Variants in ASIC2 observed in about 807,000 individuals in gnomAD.
ASIC2 encodes acid-sensing ion channel 2.
In ASIC2, 25 loss-of-function variants were observed where a neutral mutation model predicts 57.3. The observed-to-expected ratio is 0.44, with a 90% CI of 0.32 to 0.61. The LOEUF is 0.61. ASIC2 is among the 20% of genes least tolerant of loss of function. The pLI, the probability that ASIC2 is intolerant of heterozygous loss-of-function variation, is 0.06. For missense variants in ASIC2, 641 were observed against 738.1 expected (o/e 0.87, Z 1.52); for synonymous variants, 319 against 307.5 (o/e 1.04, Z -0.39).
chr17:33,432,332 A>G (rs1408071837), intron 1 of ASIC2, among the ~76,000 whole-genome samples: 3 of 152,216 alleles, frequency 2.0e-5, no homozygotes. Flanking sequence ...CCTTGGGAAC[A>G]TAATGAGACC....
At chr17:33,337,656 C>A (rs1907567071) in intron 1 of ASIC2, among the ~76,000 whole-genome samples, 1 of 152,166 alleles carries the variant, frequency 6.6e-6, no homozygotes, top group Non-Finnish European at 1.5e-5. Context: ...TGGAGATGTT[C>A]TGGAGGGGCA....
At chr17:33,097,987 ACT>A (rs2092190547) in intron 2 of ASIC2, among the ~76,000 whole-genome samples, 1 of 152,090 alleles carries the variant, frequency 6.6e-6, no homozygotes. Context: ...CCTGCTTTTG[ACT>A]CTTAGTCCCA....
At chr17:33,028,115 T>C (rs531796028) in intron 4 of ASIC2, 127 bp downstream of exon 4, 2 of 1,316,652 alleles carry the variant, frequency 1.5e-6, no homozygotes, top group Admixed American at 2.6e-5. Context: ...AATAACAGAG[T>C]CTTCCCAGAA....
intron 1 of ASIC2, among the ~76,000 whole-genome samples, chr17:33,287,138 AC>A: frequency 6.6e-6 from 1 of 152,332 alleles, no homozygotes; most frequent in African/African-American, 2.4e-5. Flanking sequence ...TTGAGCACCT[AC>A]TGCTGTCCAG....
rs748230708 is a variant in ASIC2, at chr17:33,825,637, CT to C, written c.555+330340del. 4.1e-3 allele frequency among the ~76,000 whole-genome samples: 618 copies of C among 152,326 alleles called. 5 individuals carry two copies. Among genetic ancestry groups the C allele is most frequent in the Middle Eastern group, 0.01 (3 of 294 alleles). ...TGGCAGTTCACCACCATTACCCTCA[CT>C]CAACATCAGTTTTATAATCTCATAA... On this transcript the variant is annotated intron_variant, in intron 1 of 9. Coordinates refer to the ASIC2 transcript ENST00000359872.
intron 1 of ASIC2, among the ~76,000 whole-genome samples, chr17:33,176,178 A>T (rs949287722): frequency 1.3e-5 from 2 of 152,126 alleles, no homozygotes; most frequent in South Asian, 4.2e-4. Flanking sequence ...CTGGGCAGAC[A>T]GCATCCTGTG....
At chr17:33,739,920 AAAAG>A (rs1910049561) in intron 1 of ASIC2, among the ~76,000 whole-genome samples, 1 of 151,046 alleles carries the variant, frequency 6.6e-6, no homozygotes, top group Non-Finnish European at 1.5e-5. Flanking sequence ...AAGAAAAGAA[AAAAG>A]AAAGAAAAAA....
intron 1 of ASIC2, among the ~76,000 whole-genome samples, chr17:33,464,473 TTCTTTTCTCTCTTTC>T (rs1912749432): frequency 2.3e-5 from 2 of 86,612 alleles, no homozygotes; most frequent in African/African-American, 1.2e-4. Flanking sequence ...CTTTCTTTCT[TTCTTTTCTCTCTTTC>T]TTTCTTTCTT....
intron 1 of ASIC2, among the ~76,000 whole-genome samples, chr17:33,323,269 T>C (rs1327263554): frequency 6.6e-6 from 1 of 152,214 alleles, no homozygotes; most frequent in Non-Finnish European, 1.5e-5. Flanking sequence ...AGCCACAGAC[T>C]GGAAAGTGCT....
rs575025377 is a variant in ASIC2, at chr17:33,086,546, C to T, written c.987+2317G>A. 6.6e-5 allele frequency among the ~76,000 whole-genome samples: 10 copies of T among 152,216 alleles called. No homozygotes were observed. The East Asian group carries it at 7.7e-4, about 12-fold the overall frequency. ...TCATACAACAGAAGGGAGTGCTGAC[C>T]GATTTTCTCTCCTTGACCAGACTCT... On this transcript the variant is annotated intron_variant, in intron 3 of 9. Coordinates refer to ENST00000225823, the MANE Select transcript of ASIC2 (RefSeq NM_183377.2).
At position 33,263,715 on chromosome 17, in the gene ASIC2, C is replaced by T. The variant is rs552796384; in HGVS notation, c.708+27693G>A. ...GTGTGCCTTCATTACCCAGCCTAGG[C>T]GTGTCTGGGCTGCACAGATCTGGGC... On this transcript the variant is annotated intron_variant, in intron 1 of 9. Transcript: ENST00000225823. Among the ~76,000 whole-genome samples the T allele has an allele frequency of 4.6e-5, 7 of 151,986 alleles. No homozygotes were observed. The East Asian group carries it at 9.8e-4, about 21-fold the overall frequency.
chr17:33,305,339 A>G (rs4795765), intron 1 of ASIC2, among the ~76,000 whole-genome samples: 41,138 of 152,130 alleles, frequency 0.27, 5,882 homozygotes, highest in Middle Eastern at 0.38. Flanking sequence ...GCATGGTTTA[A>G]GCATGAGTGA....
At chr17:33,942,194 G>C (rs966978016) in intron 1 of ASIC2, among the ~76,000 whole-genome samples, 1 of 152,136 alleles carries the variant, frequency 6.6e-6, no homozygotes, top group East Asian at 1.9e-4. Context: ...AGCAATGCCT[G>C]AAAGCCCCTG....
intron 1 of ASIC2, among the ~76,000 whole-genome samples, chr17:34,104,913 C>T (rs1484022164): frequency 1.3e-5 from 2 of 151,860 alleles, no homozygotes; most frequent in East Asian, 1.9e-4. Flanking sequence ...CTTTTAATGT[C>T]TTTGTCATGG....
intron 1 of ASIC2, among the ~76,000 whole-genome samples, chr17:33,978,033 T>A (rs1292297446): frequency 6.6e-6 from 1 of 152,192 alleles, no homozygotes; most frequent in Non-Finnish European, 1.5e-5. Flanking sequence ...GGAGTCCTGG[T>A]GCCAGCCCTT....
At chr17:33,406,347 G>A (rs575568324) in intron 1 of ASIC2, among the ~76,000 whole-genome samples, 2 of 152,288 alleles carry the variant, frequency 1.3e-5, no homozygotes, top group South Asian at 2.1e-4. Context: ...GGCAGTCTGC[G>A]AACATTCCTC....
intron 1 of ASIC2, among the ~76,000 whole-genome samples, chr17:33,422,853 T>A (rs1597723150): frequency 1.3e-5 from 2 of 152,116 alleles, no homozygotes; most frequent in East Asian, 3.9e-4. Context: ...TCAGAGTTGG[T>A]ATACCCGGGT....
At chr17:33,054,405 T>G (rs1299358028) in intron 3 of ASIC2, among the ~76,000 whole-genome samples, 1 of 152,178 alleles carries the variant, frequency 6.6e-6, no homozygotes, top group Non-Finnish European at 1.5e-5. Context: ...ATTGGGAGCT[T>G]GCTTAGCAAG....
At chr17:33,983,081 T>G (rs1031449521) in intron 1 of ASIC2, among the ~76,000 whole-genome samples, 26 of 152,212 alleles carry the variant, frequency 1.7e-4, no homozygotes, top group Non-Finnish European at 3.2e-4. Context: ...AGTGTGTGTG[T>G]ACCCATGTTT....
Sources: gnomAD v4.1 joint callset for allele counts (sites outside exome capture counted in the v4.1 genomes callset) on GRCh38, gnomAD v4.1.1 for gene constraint, MANE v1.5 for transcripts, NCBI Gene and HGNC (gene_info 2026-07-23, HGNC 2026-07-21) for gene names.